Variants in DRD4 observed in about 807,000 individuals in gnomAD.
The protein encoded by DRD4 is D(4) dopamine receptor.
DRD4 carries 26 observed loss-of-function variants against 22.1 expected under a neutral mutation model. That is an observed-to-expected ratio of 1.17 (90% CI 0.86 to 1.63). The LOEUF is 1.63. DRD4 is among the 40% of genes most tolerant of loss of function. The pLI, the probability that DRD4 is intolerant of heterozygous loss-of-function variation, is 0.00. For missense variants in DRD4, 913 were observed against 632.4 expected, an observed-to-expected ratio of 1.44 and a Z score of -4.76; for synonymous variants, 455 against 306.7, an observed-to-expected ratio of 1.48 and a Z score of -5.05.
rs1199701373 is a variant in DRD4 at position 640,681 on chromosome 11, GTTAA to G, written c.*83_*86del. On this transcript the variant is annotated 3_prime_UTR_variant, in exon 4 of 4. Coordinates refer to ENST00000176183, the MANE Select transcript of DRD4 (RefSeq NM_000797.4). ...GGAGATGGGGAGGGCGCTTTTGTAC[GTTAA>G]TTAAACAAATTCCTTCCCAAACTCA... 8.2e-5 allele frequency: 125 copies of G among 1,521,658 alleles called. No individual in the cohort carries two copies. In the East Asian group the frequency reaches 1.3e-3, roughly 16 times the overall value. The allele number at this position is 1,521,658 out of a possible 1,614,324, so 94.3% of individuals were successfully genotyped here.
rs1048946123 is a variant in DRD4 at position 639,304 on chromosome 11, T to A, written c.286-129T>A. 4.5e-5 allele frequency: 38 copies of A among 845,784 alleles called. No homozygotes were observed. The Middle Eastern group carries it at 1.6e-3, about 35-fold the overall frequency. The allele number at this position is 845,784 out of a possible 1,614,324, so 52.4% of individuals were successfully genotyped here. A position where few individuals can be genotyped will look rare whatever the true frequency, so the allele number is the denominator to read the frequency against. On this transcript the variant is annotated intron_variant, in intron 1 of 3. Coordinates refer to ENST00000176183, the MANE Select transcript of DRD4 (RefSeq NM_000797.4). ...GAAGGGGTGTTTCCCTGCCCGGTCC[T>A]CTGGCCTCTGGCTCACAGCCGGGCC...
Position 640,157 on chromosome 11 carries a change from C to CGCGCCCGGCCTTCCCCA in DRD4, c.909_910insCGCCCGGCCTTCCCCAG (p.Asp304ArgfsTer48). Reference sequence around the variant, plus strand: ...GCGCCCCCCGCGCCCGGCCTCCCCCCGGACCCCTGCGGCTCCAACTGTGCT... The same window carrying CGCGCCCGGCCTTCCCCA: ...GCGCCCCCCGCGCCCGGCCTCCCCCCGCGCCCGGCCTTCCCCAGGACCCCTGCGGCTCCAACTGTGCT... On this transcript the variant is annotated frameshift_variant, in exon 3 of 4. Coordinates refer to ENST00000176183, the MANE Select transcript of DRD4 (RefSeq NM_000797.4). LOFTEE classifies it high-confidence loss of function. The CGCGCCCGGCCTTCCCCA allele has an allele frequency of 2.9e-6, 4 of 1,358,274 alleles. No individual in the cohort carries two copies. The highest frequency in any genetic ancestry group is 4.0e-6 in the Non-Finnish European group (4 of 1,010,906). The allele number at this position is 1,358,274 out of a possible 1,614,324, so 84.1% of individuals were successfully genotyped here. A position where few individuals can be genotyped will look rare whatever the true frequency, so the allele number is the denominator to read the frequency against.
At chr11:639,614 G>C in intron 2 of DRD4, 34 bp from the exon 3 acceptor site, 1 of 1,383,708 alleles carries the variant, frequency 7.2e-7, no homozygotes, top group South Asian at 1.5e-5. Flanking sequence ...CGCGGCCTGT[G>C]CGCTGTCCGG....
Position 640,041 on chromosome 11 carries a change from C to T in DRD4, c.792C>T (p.Pro264=), listed in dbSNP as rs1386486136. 6 of 1,189,584 alleles carry T rather than the reference C, an allele frequency of 5.0e-6. No individual in the cohort carries two copies. In the African/African-American group the frequency reaches 8.5e-5, roughly 17 times the overall value. 73.7% of individuals were successfully genotyped at this position (1,189,584 alleles called of 1,614,324 possible). ...ACCCCTGCGGCCCCGACTGTGCGCC[C>T]CCCGCGCCCGGCCTTCCCCGGGGTC... ...PQDPCGPDCA[P]PAPGLPRGPC... The change falls in exon 3 of 4, where the codon CCC becomes CCT. Residue 264 remains proline (P), a synonymous_variant. Transcript: ENST00000176183.
intron 1 of DRD4, 117 bp downstream of exon 1, chr11:637,706 CG>C (rs905492156): frequency 4.0e-6 from 6 of 1,512,196 alleles, no homozygotes; most frequent in Non-Finnish European, 5.3e-6. Flanking sequence ...CCAGCTGGGG[CG>C]GCGGCAGGGG....
Position 640,661 on chromosome 11 carries a change from T to G in DRD4, c.*58T>G. 6.3e-7 allele frequency: 1 copy of G among 1,580,352 alleles called. No individual in the cohort carries two copies. Among genetic ancestry groups the G allele is most frequent in the Non-Finnish European group, 8.6e-7 (1 of 1,164,028 alleles). ...GGCCAGGCCTCAGGGACCAAGGAGA[T>G]GGGGAGGGCGCTTTTGTACGTTAAT... On this transcript the variant is annotated 3_prime_UTR_variant, in exon 4 of 4. Coordinates refer to ENST00000176183, the MANE Select transcript of DRD4 (RefSeq NM_000797.4).
At chr11:638,611 G>C (rs913388380) in intron 1 of DRD4, among the ~76,000 whole-genome samples, 2 of 152,134 alleles carry the variant, frequency 1.3e-5, no homozygotes, top group East Asian at 3.8e-4. Flanking sequence ...TTGTCTTACA[G>C]ATGAAGAAAC....
chr11:638,548 T>TGTC (rs1394785685), intron 1 of DRD4, among the ~76,000 whole-genome samples: 11 of 152,180 alleles, frequency 7.2e-5, no homozygotes, highest in African/African-American at 2.7e-4. Flanking sequence ...TCTTCATATT[T>TGTC]TTAATTATAA....
Position 640,176 on chromosome 11 carries a change from CTG to C in DRD4, c.930_931del (p.Ala311SerfsTer138). The C allele has an allele frequency of 6.5e-7, 1 of 1,529,228 alleles. No homozygotes were observed. Among genetic ancestry groups the C allele is most frequent in the South Asian group, 1.2e-5 (1 of 83,694 alleles). The allele number at this position is 1,529,228 out of a possible 1,614,324, so 94.7% of individuals were successfully genotyped here. ...GLPPDPCGSN[C>X]APPDAVRAAA... ...TCCCCCCGGACCCCTGCGGCTCCAA[CTG>C]TGCTCCCCCCGACGCCGTCAGAGCC... On this transcript the variant is annotated frameshift_variant, in exon 3 of 4. Coordinates refer to ENST00000176183, the MANE Select transcript of DRD4 (RefSeq NM_000797.4). LOFTEE classifies it high-confidence loss of function.
Position 639,915 on chromosome 11 carries a change from G to A in DRD4, c.666G>A (p.Trp222Ter). ...YWATFRGLQR[W>*]EVARRAKLHG... Reference sequence around the variant, plus strand: ...CCACGTTCCGCGGCCTGCAGCGCTGGGAGGTGGCACGTCGCGCCAAGCTGC... The same window carrying A: ...CCACGTTCCGCGGCCTGCAGCGCTGAGAGGTGGCACGTCGCGCCAAGCTGC... Residue 222 changes from tryptophan (W) to a stop codon, truncating the protein, a stop_gained, in exon 3 of 4, where the codon TGG becomes TGA. Coordinates refer to ENST00000176183, the MANE Select transcript of DRD4 (RefSeq NM_000797.4). LOFTEE classifies it high-confidence loss of function. 2.6e-6 allele frequency: 4 copies of A among 1,555,222 alleles called. No individual in the cohort carries two copies. The highest frequency in any genetic ancestry group is 3.5e-6 in the Non-Finnish European group (4 of 1,159,132).
Position 639,565 on chromosome 11 carries a change from C to CGCGCCCCG in DRD4, c.398+28_398+35dup, listed in dbSNP as rs768024763. ...GGACAGGTGCGCCGCCCTCCCCGCC[C>CGCGCCCCG]GCGCCCCGGCGCCCCCGCGCCCCGC... On this transcript the variant is annotated intron_variant, in intron 2 of 3. Transcript: ENST00000176183. 7.1e-6 allele frequency: 10 copies of CGCGCCCCG among 1,412,438 alleles called. No homozygotes were observed. The highest frequency in any genetic ancestry group is 1.4e-5 in the South Asian group (1 of 69,484). 87.5% of individuals were successfully genotyped at this position (1,412,438 alleles called of 1,614,324 possible).
rs189482961 is a variant in DRD4 at position 637,335 on chromosome 11, G to A, written c.31G>A (p.Gly11Arg). MGNRSTADADGLLAGRGPAAG... is the reference protein window; with the variant it reads MGNRSTADADRLLAGRGPAAG... ...GAACCGCAGCACCGCGGACGCGGACGGGCTGCTGGCTGGGCGCGGGCCGGC... is the reference window on the plus strand; with the variant it reads ...GAACCGCAGCACCGCGGACGCGGACAGGCTGCTGGCTGGGCGCGGGCCGGC... Residue 11 changes from glycine (G) to arginine (R), a missense_variant, in exon 1 of 4, where the codon GGG (glycine) becomes AGG (arginine). By Grantham distance (125) the Gly-to-Arg change is moderately radical. Transcript: ENST00000176183. 24 of 1,263,178 alleles carry A rather than the reference G, an allele frequency of 1.9e-5. No individual in the cohort carries two copies. Among genetic ancestry groups the A allele is most frequent in the African/African-American group, 3.2e-5 (2 of 63,408 alleles). The allele number at this position is 1,263,178 out of a possible 1,614,324, so 78.2% of individuals were successfully genotyped here.
chr11:639,588 CG>C (rs752666159), intron 2 of DRD4, 43 bp downstream of exon 2: 98 of 1,290,632 alleles, frequency 7.6e-5, no homozygotes, highest in Admixed American at 1.3e-4. Context: ...CCCCGCGCCC[CG>C]CCCGCCGCCC....
chr11:639,102 C>G (rs1303787307), intron 1 of DRD4: 1 of 327,034 alleles, frequency 3.1e-6, no homozygotes, highest in South Asian at 3.1e-5. Flanking sequence ...AAAAGAAAAA[C>G]AAATCAGCCG....
In DRD4 at chr11:640,442, A is replaced by C; in HGVS notation, c.1099A>C (p.Ile367Leu). The C allele has an allele frequency of 1.9e-6, 3 of 1,601,402 alleles. No individual in the cohort carries two copies. The highest frequency in any genetic ancestry group is 2.5e-6 in the Non-Finnish European group (3 of 1,179,748). Reference protein sequence around the residue: ...LCWTPFFVVHITQALCPACSV... With the variant: ...LCWTPFFVVHLTQALCPACSV... The stretch of plus-strand genomic sequence containing the variant: ...CTGGACGCCCTTCTTCGTGGTGCAC[A>C]TCACGCAGGCGCTGTGTCCTGCCTG... The change falls in exon 4 of 4, where the codon ATC (isoleucine) becomes CTC (leucine). Residue 367 changes from isoleucine (I) to leucine (L), a missense_variant. Ile to Leu is a conservative substitution (Grantham distance 5). Coordinates refer to ENST00000176183, the MANE Select transcript of DRD4 (RefSeq NM_000797.4).
Position 637,389 on chromosome 11 carries a change from G to C in DRD4, c.85G>C (p.Gly29Arg). 1 of 1,438,980 alleles carries C rather than the reference G, an allele frequency of 6.9e-7. No individual in the cohort carries two copies. The highest frequency in any genetic ancestry group is 9.1e-7 in the Non-Finnish European group (1 of 1,102,292). 89.1% of individuals were successfully genotyped at this position (1,438,980 alleles called of 1,614,324 possible). A position where few individuals can be genotyped will look rare whatever the true frequency, so the allele number is the denominator to read the frequency against. The part of the protein sequence containing the change: ...AAGASAGASA[G>R]LAGQGAAALV... ...GGGGGCATCTGCGGGGGCATCTGCG[G>C]GGCTGGCTGGGCAGGGCGCGGCGGC... Residue 29 changes from glycine (G) to arginine (R), a missense_variant, in exon 1 of 4, where the codon GGG becomes CGG. Coordinates refer to ENST00000176183, the MANE Select transcript of DRD4 (RefSeq NM_000797.4).
Position 640,475 on chromosome 11 carries a change from C to T in DRD4, c.1132C>T (p.Pro378Ser), listed in dbSNP as rs770833402. 2.5e-6 allele frequency: 4 copies of T among 1,602,278 alleles called. No individual in the cohort carries two copies. The highest frequency in any genetic ancestry group is 1.1e-5 in the South Asian group (1 of 91,082). The change falls in exon 4 of 4, where the codon CCC becomes TCC. Residue 378 changes from proline (P) to serine (S), a missense_variant. Pro to Ser is a moderately conservative substitution (Grantham distance 74). Transcript: ENST00000176183. ...TQALCPACSV[P>S]PRLVSAVTWL... The stretch of plus-strand genomic sequence containing the variant: ...GGCGCTGTGTCCTGCCTGCTCCGTG[C>T]CCCCGCGGCTGGTCAGCGCCGTCAC...
At chr11:639,621 C>T in intron 2 of DRD4, 27 bp from the exon 3 acceptor site, 2 of 1,405,380 alleles carry the variant, frequency 1.4e-6, no homozygotes, top group South Asian at 1.4e-5. Context: ...TGTGCGCTGT[C>T]CGGCGCCCCC....
chr11:637,543 A>ACCT lies in DRD4; in HGVS notation c.247_249dup (p.Leu83dup). 3 of 1,522,520 alleles carry ACCT rather than the reference A, an allele frequency of 2.0e-6. No individual in the cohort carries two copies. The highest frequency in any genetic ancestry group is 2.7e-6 in the Non-Finnish European group (3 of 1,125,914). The allele number at this position is 1,522,520 out of a possible 1,614,324, so 94.3% of individuals were successfully genotyped here. A position where few individuals can be genotyped will look rare whatever the true frequency, so the allele number is the denominator to read the frequency against. On this transcript the variant is annotated inframe_insertion, in exon 1 of 4. Coordinates refer to ENST00000176183, the MANE Select transcript of DRD4 (RefSeq NM_000797.4). ...TTCATCGTGAGCCTGGCGGCCGCCGACCTCCTCCTCGCTCTCCTGGTGCTG... is the reference window on the plus strand; with the variant it reads ...TTCATCGTGAGCCTGGCGGCCGCCGACCTCCTCCTCCTCGCTCTCCTGGTGCTG...
Sources: gnomAD v4.1 joint callset for allele counts (sites outside exome capture counted in the v4.1 genomes callset) on GRCh38, gnomAD v4.1.1 for gene constraint, MANE v1.5 for transcripts, NCBI Gene and HGNC (gene_info 2026-07-23, HGNC 2026-07-21) for gene names.